The following MAF variants were observed in gnomAD, a reference collection of about 807,000 sequenced individuals.
MAF encodes MAF bZIP transcription factor.
MAF carries 10 observed loss-of-function variants against 22.0 expected under a neutral mutation model. The observed-to-expected ratio is 0.45, with a 90% CI of 0.28 to 0.77. MAF has a LOEUF of 0.77. Ranked by LOEUF, MAF falls within the 30% of genes least tolerant of loss-of-function variation. The pLI is 0.12. For synonymous variants in MAF, 337 were observed against 255.8 expected (o/e 1.32, Z -3.03); for missense variants, 544 against 548.4 (o/e 0.99, Z 0.08).
At chr16:79,370,509 G>T in the MAF span, among the ~76,000 whole-genome samples, 1 of 152,114 alleles carries the variant, frequency 6.6e-6, no homozygotes, top group African/African-American at 2.4e-5. Context: ...GCACACATCT[G>T]TTCTCTCTAA....
chr16:79,393,711 G>T, the MAF span, among the ~76,000 whole-genome samples: 5 of 152,126 alleles, frequency 3.3e-5, no homozygotes, highest in Admixed American at 2.6e-4. Context: ...TCGATGCTTG[G>T]CTAGCCAGCT....
At chr16:79,324,658 C>A in the MAF span, among the ~76,000 whole-genome samples, 2 of 152,110 alleles carry the variant, frequency 1.3e-5, no homozygotes, top group Non-Finnish European at 2.9e-5. Context: ...AAGTTCTGTG[C>A]AGGGCACCCA....
At chr16:79,467,631 A>C in the MAF span, among the ~76,000 whole-genome samples, 2 of 152,216 alleles carry the variant, frequency 1.3e-5, no homozygotes, top group East Asian at 3.9e-4. Context: ...CATCAACATT[A>C]CTTGGGCCTT....
the MAF span, among the ~76,000 whole-genome samples, chr16:79,487,929 G>A: frequency 6.6e-6 from 1 of 152,338 alleles, no homozygotes; most frequent in East Asian, 1.9e-4. Context: ...CAGGGGATAA[G>A]GCCCTGTGCT....
the MAF span, among the ~76,000 whole-genome samples, chr16:79,483,031 TC>T: frequency 2.2e-4 from 2 of 8,938 alleles, no homozygotes; most frequent in East Asian, 5.8e-3. Context: ...TTCCCTCCCC[TC>T]CCTCCCTCCC....
the MAF span, among the ~76,000 whole-genome samples, chr16:79,503,236 T>C: frequency 2.6e-5 from 4 of 152,184 alleles, no homozygotes; most frequent in African/African-American, 4.8e-5. Flanking sequence ...TTCTATTTTA[T>C]TCACTCACTC....
chr16:79,571,133 C>T, the MAF span, among the ~76,000 whole-genome samples: 1 of 151,986 alleles, frequency 6.6e-6, no homozygotes. Context: ...AAAAGTGATC[C>T]TTTGCTACAT....
At chr16:79,300,543 G>A in the MAF span, among the ~76,000 whole-genome samples, 1 of 148,636 alleles carries the variant, frequency 6.7e-6, no homozygotes, top group Non-Finnish European at 1.5e-5. Context: ...GACAGAGCAA[G>A]ACTCCATCTC....
At chr16:79,514,818 C>T in the MAF span, among the ~76,000 whole-genome samples, 1 of 152,178 alleles carries the variant, frequency 6.6e-6, no homozygotes, top group Admixed American at 6.5e-5. Context: ...GGCTTGGAAG[C>T]CAGATAAAAG....
the MAF span, among the ~76,000 whole-genome samples, chr16:79,291,604 A>AC: frequency 2.3e-4 from 35 of 150,412 alleles, no homozygotes; most frequent in Non-Finnish European, 1.0e-4. Flanking sequence ...TGTTTTCCAG[A>AC]CTCTACTCTG....
chr16:79,352,919 G>A, the MAF span, among the ~76,000 whole-genome samples: 3 of 152,150 alleles, frequency 2.0e-5, no homozygotes, highest in African/African-American at 7.2e-5. Flanking sequence ...AATCAAGTGG[G>A]ATATGGTGCC....
the MAF span, among the ~76,000 whole-genome samples, chr16:79,467,519 C>T: frequency 1.3e-5 from 2 of 152,168 alleles, no homozygotes; most frequent in African/African-American, 4.8e-5. Context: ...TTGTCCGAAA[C>T]CATACAGTGT....
At chr16:79,535,818 G>A in the MAF span, among the ~76,000 whole-genome samples, 7 of 151,932 alleles carry the variant, frequency 4.6e-5, no homozygotes, top group African/African-American at 1.7e-4. Context: ...TAACCTCCCC[G>A]CCTTGGCCTC....
chr16:79,482,124 G>T, the MAF span, among the ~76,000 whole-genome samples: 1 of 152,214 alleles, frequency 6.6e-6, no homozygotes, highest in South Asian at 2.1e-4. Context: ...GCATTGACAA[G>T]ATCCTTATTA....
the MAF span, among the ~76,000 whole-genome samples, chr16:79,354,820 G>C: frequency 1.3e-5 from 2 of 152,082 alleles, no homozygotes; most frequent in East Asian, 3.9e-4. Context: ...AAAGGAACAA[G>C]AATTGAATTC....
the MAF span, among the ~76,000 whole-genome samples, chr16:79,289,870 T>A: frequency 6.6e-6 from 1 of 150,520 alleles, no homozygotes; most frequent in South Asian, 2.1e-4. Flanking sequence ...TTTTTTTTTG[T>A]GAGACGGAGT....
chr16:79,581,038 G>A (rs960030829), downstream of MAF, among the ~76,000 whole-genome samples: 4 of 152,130 alleles, frequency 2.6e-5, no homozygotes, highest in African/African-American at 9.7e-5. Context: ...GAAGAGAGAT[G>A]CCAAGCATCT....
At chr16:79,566,874 C>T in the MAF span, among the ~76,000 whole-genome samples, 4 of 152,160 alleles carry the variant, frequency 2.6e-5, no homozygotes, top group Admixed American at 2.0e-4. Context: ...GCTTTTGAGG[C>T]TCTGATGGAT....
At chr16:79,419,125 A>G in the MAF span, among the ~76,000 whole-genome samples, 2 of 152,176 alleles carry the variant, frequency 1.3e-5, no homozygotes, top group Non-Finnish European at 2.9e-5. Context: ...CCCTCAGGAA[A>G]ATGGACATTT....
Sources: allele counts gnomAD v4.1 joint callset (sites outside exome capture counted in the v4.1 genomes callset), GRCh38; gene constraint gnomAD v4.1.1; transcripts MANE v1.5; gene names NCBI Gene and HGNC (gene_info 2026-07-23, HGNC 2026-07-21).